Variants in SLC25A48 observed in about 807,000 individuals in gnomAD.
SLC25A48 encodes CTC-321K16.1.
SLC25A48 carries 29 observed loss-of-function variants against 32.2 expected under a neutral mutation model. That is an observed-to-expected ratio of 0.90 (90% CI 0.67 to 1.23). The LOEUF is 1.23. Among genes scored for constraint, SLC25A48 ranks in the 50% most tolerant of loss-of-function variants. SLC25A48 has a pLI of 0.00. For synonymous variants in SLC25A48, 164 were observed against 172.3 expected, an observed-to-expected ratio of 0.95 and a Z score of 0.38; for missense variants, 399 against 422.7, an observed-to-expected ratio of 0.94 and a Z score of 0.49.
At chr5:135,675,236 G>T (rs1484980199) in intron 3 of SLC25A48, among the ~76,000 whole-genome samples, 1 of 151,932 alleles carries the variant, frequency 6.6e-6, no homozygotes, top group Non-Finnish European at 1.5e-5. Flanking sequence ...GTATATGCTA[G>T]ACATTAGTCC....
At chr5:135,846,229 C>T (rs1197250064) in intron 2 of SLC25A48, among the ~76,000 whole-genome samples, 2 of 152,210 alleles carry the variant, frequency 1.3e-5, no homozygotes, top group East Asian at 3.8e-4. Flanking sequence ...CCACCCTGGT[C>T]TTTGGAAAAA....
chr5:135,598,876 G>T (rs1375370575), intron 1 of SLC25A48, among the ~76,000 whole-genome samples: 1 of 152,262 alleles, frequency 6.6e-6, no homozygotes, highest in Middle Eastern at 3.4e-3. Context: ...GTCTGTGGTC[G>T]GTGGTCTCTT....
At chr5:135,663,827 A>C (rs1450269508) in intron 3 of SLC25A48, among the ~76,000 whole-genome samples, 1 of 151,444 alleles carries the variant, frequency 6.6e-6, no homozygotes, top group Non-Finnish European at 1.5e-5. Flanking sequence ...TGGCCTCACA[A>C]AAAAAAAATC....
chr5:135,838,802 A>G (rs148780014), intron 1 of SLC25A48, among the ~76,000 whole-genome samples: 1 of 152,386 alleles, frequency 6.6e-6, no homozygotes, highest in African/African-American at 2.4e-5. Flanking sequence ...CAGAGGATGT[A>G]TGAAAATGCC....
intron 4 of SLC25A48, among the ~76,000 whole-genome samples, chr5:135,870,143 T>C (rs903642759): frequency 3.9e-5 from 6 of 152,222 alleles, no homozygotes; most frequent in South Asian, 2.1e-4. Flanking sequence ...ATGAAAGCTG[T>C]CTGCCTGTTT....
At chr5:135,885,249 C>A (rs1038987858) in intron 7 of SLC25A48, among the ~76,000 whole-genome samples, 2 of 152,180 alleles carry the variant, frequency 1.3e-5, no homozygotes, top group Admixed American at 6.5e-5. Flanking sequence ...GTGCTCTCAT[C>A]ATTTCCCCCA....
intron 7 of SLC25A48, 105 bp from the exon 8 acceptor site, chr5:135,887,927 G>A: frequency 9.3e-7 from 1 of 1,077,384 alleles, no homozygotes; most frequent in Non-Finnish European, 1.4e-6. Context: ...AAACTGTAAA[G>A]TGCAAAACAT....
intron 3 of SLC25A48, among the ~76,000 whole-genome samples, chr5:135,674,866 A>G (rs963120837): frequency 6.6e-6 from 1 of 151,504 alleles, no homozygotes; most frequent in African/African-American, 2.4e-5. Flanking sequence ...ATAAATACCC[A>G]GTAATGGGAT....
chr5:135,599,016 G>A (rs1005315830), intron 1 of SLC25A48, among the ~76,000 whole-genome samples: 2 of 152,048 alleles, frequency 1.3e-5, no homozygotes, highest in East Asian at 1.9e-4. Flanking sequence ...GGGATATAAC[G>A]AGGTGTGTCT....
intron 1 of SLC25A48, among the ~76,000 whole-genome samples, chr5:135,604,849 C>A (rs1431324064): frequency 1.3e-5 from 2 of 152,162 alleles, no homozygotes; most frequent in Non-Finnish European, 2.9e-5. Flanking sequence ...GACTGCCAGG[C>A]GTGAACTCCA....
intron 5 of SLC25A48, chr5:135,872,818 ACAGTTTGC>A (rs1171932288): frequency 6.6e-6 from 1 of 152,474 alleles, no homozygotes; most frequent in Non-Finnish European, 1.5e-5. Context: ...CCTCATCATC[ACAGTTTGC>A]CATGCTGTCA....
intron 3 of SLC25A48, among the ~76,000 whole-genome samples, chr5:135,638,202 A>G (rs931743566): frequency 2.0e-5 from 3 of 152,222 alleles, no homozygotes; most frequent in African/African-American, 7.2e-5. Flanking sequence ...AAATTATACT[A>G]TGCTTTGGTA....
At chr5:135,756,532 G>A (rs190123770) in intron 3 of SLC25A48, among the ~76,000 whole-genome samples, 96 of 152,164 alleles carry the variant, frequency 6.3e-4, no homozygotes, top group African/African-American at 2.1e-3. Context: ...TTATCTGGGC[G>A]TGGTGGTGCG....
intron 3 of SLC25A48, among the ~76,000 whole-genome samples, chr5:135,772,963 C>A (rs1339843866): frequency 1.3e-5 from 2 of 150,338 alleles, no homozygotes; most frequent in Admixed American, 1.3e-4. Flanking sequence ...AAGGTGTACA[C>A]CTCTCTGTGA....
At chr5:135,723,000 A>C (rs1754997531) in intron 3 of SLC25A48, among the ~76,000 whole-genome samples, 1 of 152,246 alleles carries the variant, frequency 6.6e-6, no homozygotes, top group Non-Finnish European at 1.5e-5. Flanking sequence ...ATGTTCCTGC[A>C]TGACCGCTTT....
intron 3 of SLC25A48, among the ~76,000 whole-genome samples, chr5:135,770,114 T>C (rs1249164155): frequency 6.6e-6 from 1 of 151,310 alleles, no homozygotes; most frequent in African/African-American, 2.4e-5. Flanking sequence ...TTATTCCTAA[T>C]ATTGCAAGGG....
intron 3 of SLC25A48, among the ~76,000 whole-genome samples, chr5:135,760,638 G>A (rs1756040443): frequency 6.6e-6 from 1 of 152,182 alleles, no homozygotes. Flanking sequence ...AGTGAGGATA[G>A]ATGCCATGAA....
chr5:135,818,067 CTCTCTCTCTCTCTCTCTCTCT>C (rs1229206157), intron 4 of SLC25A48, among the ~76,000 whole-genome samples: 2 of 22,062 alleles, frequency 9.1e-5, no homozygotes, highest in Non-Finnish European at 2.7e-4. Context: ...CTCTCTCTCT[CTCTCTCTCTCTCTCTCTCTCT>C]CTCTCTCTCT....
In SLC25A48 at chr5:135,852,747, T is replaced by C. The variant is rs957114726; in HGVS notation, c.347T>C (p.Val116Ala). 1.9e-6 allele frequency: 3 copies of C among 1,614,020 alleles called. No individual in the cohort carries two copies. The Middle Eastern group carries it at 4.9e-4, about 266-fold the overall frequency. Reference protein sequence around the residue: ...LLLASMVAGVVSVGLGGPVDL... With the variant: ...LLLASMVAGVASVGLGGPVDL... Reference sequence around the variant, plus strand: ...CTGGCCAGCATGGTGGCCGGCGTGGTCTCTGTCGGGCTGGGAGGGCCCGTG... The same window carrying C: ...CTGGCCAGCATGGTGGCCGGCGTGGCCTCTGTCGGGCTGGGAGGGCCCGTG... Residue 116 changes from valine (V) to alanine (A), a missense_variant, in exon 4 of 8, where the codon GTC becomes GCC. Transcript: ENST00000681962.
Sources: allele counts gnomAD v4.1 joint callset (sites outside exome capture counted in the v4.1 genomes callset), GRCh38; gene constraint gnomAD v4.1.1; transcripts MANE v1.5; gene names NCBI Gene and HGNC (gene_info 2026-07-23, HGNC 2026-07-21).